The following MBNL1 variants were observed in gnomAD, a reference collection of about 807,000 sequenced individuals.
MBNL1 encodes the protein muscleblind-like protein 1.
MBNL1 carries 8 observed loss-of-function variants against 42.2 expected under a neutral mutation model. The observed-to-expected ratio is 0.19, with a 90% CI of 0.11 to 0.34. The LOEUF is 0.34. Among genes scored for constraint, MBNL1 ranks in the 10% least tolerant of loss-of-function variants. The probability of loss-of-function intolerance (pLI) is 1.00; values close to 1 mark genes in which losing one functional copy is unlikely to be tolerated. For synonymous variants in MBNL1, 169 were observed against 173.9 expected, an observed-to-expected ratio of 0.97 and a Z score of 0.22; for missense variants, 309 against 495.3, an observed-to-expected ratio of 0.62 and a Z score of 3.57.
chr3:152,340,805 C>G, intron 2 of MBNL1: 1 of 1,613,968 alleles, frequency 6.2e-7, no homozygotes, highest in Admixed American at 1.7e-5. Context: ...TGGACAGAAC[C>G]TACTTTTGCA....
At chr3:152,411,914 G>GT (rs903069801) in intron 2 of MBNL1, among the ~76,000 whole-genome samples, 17 of 152,206 alleles carry the variant, frequency 1.1e-4, no homozygotes, top group Non-Finnish European at 1.5e-4. Context: ...ATCATATTTA[G>GT]TTTTTTCTAT....
chr3:152,358,577 C>T (rs2095696140), intron 2 of MBNL1, among the ~76,000 whole-genome samples: 1 of 151,906 alleles, frequency 6.6e-6, no homozygotes, highest in South Asian at 2.1e-4. Flanking sequence ...ATTGAGATAT[C>T]CAACTGATGA....
chr3:152,305,592 G>A (rs1425338180), intron 2 of MBNL1, among the ~76,000 whole-genome samples: 1 of 151,850 alleles, frequency 6.6e-6, no homozygotes, highest in Admixed American at 6.6e-5. Flanking sequence ...ACTGCCAGTA[G>A]AAGTGGGTAA....
intron 2 of MBNL1, among the ~76,000 whole-genome samples, chr3:152,394,947 C>T (rs143658754): frequency 2.1e-3 from 322 of 152,316 alleles, no homozygotes; most frequent in South Asian, 0.01. Flanking sequence ...CAATCTCCAC[C>T]TCCCAGGTTC....
intron 2 of MBNL1, among the ~76,000 whole-genome samples, chr3:152,374,732 G>T (rs184971232): frequency 1.2e-3 from 189 of 152,296 alleles, no homozygotes; most frequent in Non-Finnish European, 2.2e-3. Flanking sequence ...AGTAGAGGAA[G>T]GCTTCAGGGA....
chr3:152,430,675 A>T (rs1256697992), intron 3 of MBNL1, among the ~76,000 whole-genome samples: 1 of 152,214 alleles, frequency 6.6e-6, no homozygotes, highest in Non-Finnish European at 1.5e-5. Context: ...TCCTGCTGTC[A>T]CCTGGGCAGA....
chr3:152,323,791 A>G (rs2077831094), intron 2 of MBNL1, among the ~76,000 whole-genome samples: 2 of 152,156 alleles, frequency 1.3e-5, no homozygotes. Flanking sequence ...TTTCAGCTCC[A>G]TTGTAATCTT....
intron 8 of MBNL1, among the ~76,000 whole-genome samples, chr3:152,456,641 A>G (rs907280519): frequency 2.0e-5 from 3 of 152,230 alleles, no homozygotes; most frequent in Non-Finnish European, 2.9e-5. Flanking sequence ...TACACAAGCA[A>G]TTCTCAATTG....
chr3:152,257,497 GA>G (rs1033260893), intron 2 of MBNL1, among the ~76,000 whole-genome samples: 91 of 144,554 alleles, frequency 6.3e-4, no homozygotes, highest in Admixed American at 5.5e-4. Flanking sequence ...ATCATGTTAG[GA>G]AAAAAAAAAA....
At chr3:152,358,899 C>T (rs896369545) in intron 2 of MBNL1, among the ~76,000 whole-genome samples, 3 of 152,068 alleles carry the variant, frequency 2.0e-5, no homozygotes, top group Admixed American at 1.3e-4. Flanking sequence ...TATGAGCCAC[C>T]GTGCCCAGCC....
intron 2 of MBNL1, among the ~76,000 whole-genome samples, chr3:152,324,228 A>G (rs534767815): frequency 6.6e-6 from 1 of 152,310 alleles, no homozygotes; most frequent in Non-Finnish European, 1.5e-5. Flanking sequence ...TCTATGAATT[A>G]CTTATTCATT....
intron 1 of MBNL1, among the ~76,000 whole-genome samples, chr3:152,283,213 A>C (rs1367581149): frequency 6.6e-6 from 1 of 152,172 alleles, no homozygotes; most frequent in Non-Finnish European, 1.5e-5. Flanking sequence ...TTGGGGAATG[A>C]GCTTTACTTG....
At chr3:152,290,028 T>C (rs1430784910) in intron 1 of MBNL1, among the ~76,000 whole-genome samples, 1 of 152,142 alleles carries the variant, frequency 6.6e-6, no homozygotes, top group Non-Finnish European at 1.5e-5. Flanking sequence ...GATTTTTCTA[T>C]ACTTTTTTTC....
chr3:152,287,709 T>C (rs138536962), intron 1 of MBNL1, among the ~76,000 whole-genome samples: 501 of 152,314 alleles, frequency 3.3e-3, no homozygotes, highest in African/African-American at 0.012. Context: ...AATTTGCAGT[T>C]ATTTCAGTTT....
intron 3 of MBNL1, among the ~76,000 whole-genome samples, chr3:152,428,477 T>G (rs2153731728): frequency 6.6e-6 from 1 of 152,238 alleles, no homozygotes; most frequent in Middle Eastern, 3.4e-3. Flanking sequence ...CAAGAGAAAC[T>G]TACCTAAAGA....
chr3:152,354,310 CTG>C (rs1560264938), intron 2 of MBNL1, among the ~76,000 whole-genome samples: 2 of 152,082 alleles, frequency 1.3e-5, no homozygotes, highest in Non-Finnish European at 2.9e-5. Context: ...ATAATAATAA[CTG>C]AGCATGGTGG....
intron 2 of MBNL1, among the ~76,000 whole-genome samples, chr3:152,306,714 T>C (rs1318328447): frequency 3.9e-5 from 6 of 152,314 alleles, no homozygotes; most frequent in Admixed American, 3.3e-4. Context: ...GAAATGGATG[T>C]TCAGGAGGGC....
chr3:152,373,138 C>T (rs185181795), intron 2 of MBNL1, among the ~76,000 whole-genome samples: 9 of 152,030 alleles, frequency 5.9e-5, no homozygotes, highest in Non-Finnish European at 8.8e-5. Flanking sequence ...TAATGGTGGA[C>T]GCTTCTCCCC....
intron 2 of MBNL1, among the ~76,000 whole-genome samples, chr3:152,373,736 GA>G (rs1378095744): frequency 6.6e-6 from 1 of 152,192 alleles, no homozygotes; most frequent in Non-Finnish European, 1.5e-5. Flanking sequence ...GGGAGCTGCA[GA>G]CCTGAGCTGT....
Sources: allele counts gnomAD v4.1 joint callset (sites outside exome capture counted in the v4.1 genomes callset), GRCh38; gene constraint gnomAD v4.1.1; transcripts MANE v1.5; gene names NCBI Gene and HGNC (gene_info 2026-07-23, HGNC 2026-07-21).